CHEK1: variants seen among roughly 807,000 people sequenced by gnomAD.
The protein encoded by CHEK1 is checkpoint kinase 1, also known as serine/threonine-protein kinase Chk1.
In CHEK1, 32 loss-of-function variants were observed where a neutral mutation model predicts 60.2. The observed-to-expected ratio is 0.53, with a 90% CI of 0.40 to 0.71. The LOEUF is 0.71. Ranked by LOEUF, CHEK1 falls within the 30% of genes least tolerant of loss-of-function variation. The probability of loss-of-function intolerance (pLI) is 0.00; values close to 1 mark genes in which losing one functional copy is unlikely to be tolerated. For synonymous variants in CHEK1, 179 were observed against 187.2 expected (o/e 0.96, Z 0.36); for missense variants, 399 against 564.6 (o/e 0.71, Z 2.97).
At chr11:125,658,580 CTATTGTTTTA>C (rs1201797976), downstream of CHEK1, among the ~76,000 whole-genome samples, 9 of 148,998 alleles carry the variant, frequency 6.0e-5, no homozygotes, top group African/African-American at 2.2e-4. Context: ...TTTCCTCTGT[CTATTGTTTTA>C]TATTTTGTAT....
chr11:125,640,980 G>A (rs771971681), intron 8 of CHEK1, among the ~76,000 whole-genome samples: 29 of 152,080 alleles, frequency 1.9e-4, no homozygotes, highest in Non-Finnish European at 3.8e-4. Flanking sequence ...ATCTTGTGCT[G>A]TCCTACTTCA....
chr11:125,633,735 C>T (rs1037562794), intron 6 of CHEK1, among the ~76,000 whole-genome samples: 1 of 152,306 alleles, frequency 6.6e-6, no homozygotes, highest in South Asian at 2.1e-4. Context: ...AAAGTAAAGA[C>T]ATGAGCCATG....
At chr11:125,668,443 T>G (rs1352768426) in intron 13 of CHEK1, among the ~76,000 whole-genome samples, 1 of 152,192 alleles carries the variant, frequency 6.6e-6, no homozygotes, top group Non-Finnish European at 1.5e-5. Flanking sequence ...GATATTTGGA[T>G]TTTTGCCATT....
At chr11:125,661,671 A>G (rs561736831), downstream of CHEK1, among the ~76,000 whole-genome samples, 29 of 151,434 alleles carry the variant, frequency 1.9e-4, 1 homozygote, top group African/African-American at 6.5e-4. Context: ...TGGAATCTAT[A>G]TGCTTTTTTT....
chr11:125,636,480 A>G (rs577112921), intron 7 of CHEK1, among the ~76,000 whole-genome samples: 17 of 152,288 alleles, frequency 1.1e-4, no homozygotes. Flanking sequence ...GCAAAATTGC[A>G]GGATCAAGGA....
At chr11:125,635,577 A>G (rs775119835) in intron 7 of CHEK1, 44 bp downstream of exon 7, 2 of 1,285,686 alleles carry the variant, frequency 1.6e-6, no homozygotes, top group African/African-American at 1.5e-5. Context: ...TTTCTTGGAT[A>G]TGAAGTCTTG....
At chr11:125,650,206 C>G (rs1941663028) in intron 11 of CHEK1, among the ~76,000 whole-genome samples, 1 of 151,566 alleles carries the variant, frequency 6.6e-6, no homozygotes, top group South Asian at 2.1e-4. Context: ...TGTTGGTATA[C>G]TTGATGTGCC....
At position 125,650,948 on chromosome 11, in the gene CHEK1, G is replaced by A. The variant is rs1591417705; in HGVS notation, c.1234-2798G>A. On this transcript the variant is annotated intron_variant, in intron 11 of 12. Coordinates refer to ENST00000438015, the MANE Select transcript of CHEK1 (RefSeq NM_001114122.3). ...AGTTTACAACGTTGCTTCAGCCTTC[G>A]CTATCTGCTTGTGCAAAATGCAAAG... 3.3e-5 allele frequency among the ~76,000 whole-genome samples: 5 copies of A among 152,098 alleles called. No individual in the cohort carries two copies. The South Asian group carries it at 1.0e-3, about 31-fold the overall frequency.
At chr11:125,677,868 C>T (rs769314159), downstream of CHEK1, 10 of 1,613,858 alleles carry the variant, frequency 6.2e-6, no homozygotes, top group Non-Finnish European at 6.8e-6. Flanking sequence ...AGGCTGTTCA[C>T]CCGAGGCCTG....
chr11:125,634,997 G>A (rs564126139), intron 6 of CHEK1, among the ~76,000 whole-genome samples: 1 of 149,950 alleles, frequency 6.7e-6, no homozygotes, highest in African/African-American at 2.5e-5. Flanking sequence ...TTGCTCTGTC[G>A]CCCAGGCTGC....
chr11:125,630,778 G>C (rs1940833410), intron 5 of CHEK1, among the ~76,000 whole-genome samples: 1 of 152,070 alleles, frequency 6.6e-6, no homozygotes, highest in East Asian at 1.9e-4. Flanking sequence ...CAACCCACCT[G>C]GTTTAAAAAT....
intron 8 of CHEK1, among the ~76,000 whole-genome samples, chr11:125,639,371 A>G (rs1370082400): frequency 6.9e-6 from 1 of 144,236 alleles, no homozygotes; most frequent in Non-Finnish European, 1.5e-5. Context: ...ACGTTTTTAT[A>G]ATACTTTTCT....
intron 13 of CHEK1, among the ~76,000 whole-genome samples, chr11:125,663,811 C>A (rs1231333562): frequency 1.3e-5 from 2 of 152,088 alleles, no homozygotes. Flanking sequence ...ACATTTAAGT[C>A]TTTAATCCAT....
At position 125,625,886 on chromosome 11, in the gene CHEK1, C is replaced by T. The variant is rs749034825; in HGVS notation, c.-147C>T. The T allele has an allele frequency of 1.4e-6, 1 of 702,548 alleles. No homozygotes were observed. Among genetic ancestry groups the T allele is most frequent in the Admixed American group, 2.0e-5 (1 of 50,008 alleles). The allele number at this position is 702,548 out of a possible 1,614,324, so 43.5% of individuals were successfully genotyped here. A position where few individuals can be genotyped will look rare whatever the true frequency, so the allele number is the denominator to read the frequency against. On this transcript the variant is annotated 5_prime_UTR_variant, in exon 1 of 13. Transcript: ENST00000438015. ...GCCGCCGACATTCAGAGGGGCAGGACACGGGAACGCGCGCTGTCTTGCTTT... is the reference window on the plus strand; with the variant it reads ...GCCGCCGACATTCAGAGGGGCAGGATACGGGAACGCGCGCTGTCTTGCTTT...
In CHEK1 at chr11:125,642,101, C is replaced by T. The variant is rs3731442; in HGVS notation, c.815-1691C>T. The stretch of plus-strand genomic sequence containing the variant: ...CTCACTGTTTTTGTAGTGACTGTTC[C>T]TATGTCTGAAAATGCTTTTTCCCAT... On this transcript the variant is annotated intron_variant, in intron 8 of 12. Transcript: ENST00000438015. Among the ~76,000 whole-genome samples the T allele has an allele frequency of 4.9e-3, 740 of 152,238 alleles. 3 individuals are homozygous for T. The highest frequency in any genetic ancestry group is 0.017 in the African/African-American group (704 of 41,552).
intron 7 of CHEK1, among the ~76,000 whole-genome samples, chr11:125,636,922 T>TA (rs1941093355): frequency 1.3e-5 from 2 of 152,188 alleles, no homozygotes. Context: ...TTAGTGTTTT[T>TA]ATGGCTTCAT....
At position 125,656,971 on chromosome 11, in the gene CHEK1, T is replaced by C. The variant is rs1042253999; in HGVS notation, c.*1651T>C. ...CACTGATAATAAGTACCTTTTAGAG[T>C]TATTTTAATCTTTAATGCTTTAATG... On this transcript the variant is annotated 3_prime_UTR_variant, in exon 13 of 13. Coordinates refer to ENST00000438015, the MANE Select transcript of CHEK1 (RefSeq NM_001114122.3). The C allele has an allele frequency of 5.1e-6, 1 of 197,262 alleles. No homozygotes were observed. The highest frequency in any genetic ancestry group is 1.0e-5 in the Non-Finnish European group (1 of 95,384). The allele number at this position is 197,262 out of a possible 1,614,324, so 12.2% of individuals were successfully genotyped here. A position where few individuals can be genotyped will look rare whatever the true frequency, so the allele number is the denominator to read the frequency against.
chr11:125,631,478 A>G (rs1009872875), intron 5 of CHEK1, among the ~76,000 whole-genome samples: 2 of 152,112 alleles, frequency 1.3e-5, no homozygotes, highest in African/African-American at 4.8e-5. Flanking sequence ...AAGGAATACT[A>G]TAGTTATCCA....
intron 12 of CHEK1, among the ~76,000 whole-genome samples, chr11:125,654,440 A>T (rs1008334909): frequency 1.3e-5 from 2 of 152,204 alleles, no homozygotes; most frequent in African/African-American, 2.4e-5. Context: ...AAGCATTTTA[A>T]TATTTTTCTT....
Sources: allele counts gnomAD v4.1 joint callset (sites outside exome capture counted in the v4.1 genomes callset), GRCh38; gene constraint gnomAD v4.1.1; transcripts MANE v1.5; gene names NCBI Gene and HGNC (gene_info 2026-07-23, HGNC 2026-07-21).